Variants in FSTL5 observed in about 807,000 individuals in gnomAD.
The protein encoded by FSTL5 is follistatin-related protein 5.
In FSTL5, 62 loss-of-function variants were observed where a neutral mutation model predicts 89.1. The observed-to-expected ratio is 0.70, with a 90% confidence interval of 0.57 to 0.86. FSTL5 has a LOEUF of 0.86. Among genes scored for constraint, FSTL5 ranks in the 40% least tolerant of loss-of-function variants. The pLI is 0.00. For missense variants in FSTL5, 1,057 were observed against 1,001.6 expected (o/e 1.06, Z -0.75); for synonymous variants, 383 against 346.2 (o/e 1.11, Z -1.18).
At chr4:161,586,290 T>C (rs1439755656) in intron 8 of FSTL5, among the ~76,000 whole-genome samples, 2 of 152,176 alleles carry the variant, frequency 1.3e-5, no homozygotes, top group East Asian at 1.9e-4. Context: ...TGGGCTTTCA[T>C]GTTCCTCAAT....
chr4:161,693,636 CTTTTT>C (rs5863476), intron 6 of FSTL5, among the ~76,000 whole-genome samples: 1 of 105,288 alleles, frequency 9.5e-6, no homozygotes, highest in Non-Finnish European at 1.7e-5. Flanking sequence ...TCTTGTAAAT[CTTTTT>C]TTTTTTTTTT....
At chr4:161,919,374 C>T (rs1488683970) in intron 4 of FSTL5, among the ~76,000 whole-genome samples, 3 of 152,100 alleles carry the variant, frequency 2.0e-5, no homozygotes, top group African/African-American at 7.2e-5. Context: ...CATCTTGCAT[C>T]ATCTGAAAAG....
chr4:161,510,409 C>T lies in FSTL5; in HGVS notation c.1328G>A (p.Trp443Ter). The change falls in exon 11 of 16, where the codon TGG becomes TAG. Residue 443 changes from tryptophan to a stop codon, truncating the protein, a stop_gained. Transcript: ENST00000306100. LOFTEE classifies it high-confidence loss of function. ...SARKTLANIL[W>*]REEGLGIGNM... is the part of the protein sequence containing the mutation. ...ATTCAACTTAGTACCTTCTTCTCTC[C>T]ATAATATGTTAGCTACTGCAGCATG... 1 of 1,535,546 alleles carries T rather than the reference C, an allele frequency of 6.5e-7. No individual in the cohort carries two copies. The highest frequency in any genetic ancestry group is 8.8e-7 in the Non-Finnish European group (1 of 1,142,116).
chr4:161,436,902 A>G (rs1732577207), intron 15 of FSTL5, among the ~76,000 whole-genome samples: 2 of 152,212 alleles, frequency 1.3e-5, no homozygotes, highest in African/African-American at 4.8e-5. Context: ...AGTATATTCA[A>G]TAATTCCTTC....
intron 3 of FSTL5, among the ~76,000 whole-genome samples, chr4:162,000,330 C>T (rs1736423539): frequency 1.3e-5 from 2 of 152,098 alleles, no homozygotes; most frequent in South Asian, 4.1e-4. Context: ...GTGGCTCACG[C>T]CTGTAATCCC....
chr4:161,958,713 C>T (rs1735092269), intron 3 of FSTL5, among the ~76,000 whole-genome samples: 1 of 152,086 alleles, frequency 6.6e-6, no homozygotes. Context: ...TTTTCTCCCA[C>T]CACTGATAAT....
intron 11 of FSTL5, among the ~76,000 whole-genome samples, chr4:161,505,696 T>G (rs1730454746): frequency 6.6e-6 from 1 of 152,214 alleles, no homozygotes; most frequent in Admixed American, 6.5e-5. Context: ...CACACATATG[T>G]GTATCACACA....
chr4:161,510,490 A>G (rs1479305983), intron 10 of FSTL5, 66 bp from the exon 11 acceptor site: 1 of 872,982 alleles, frequency 1.1e-6, no homozygotes, highest in Non-Finnish European at 1.8e-6. Context: ...GCTATATGGT[A>G]ATATAAATAT....
intron 8 of FSTL5, among the ~76,000 whole-genome samples, chr4:161,550,364 A>G (rs1732156713): frequency 6.6e-6 from 1 of 151,872 alleles, no homozygotes; most frequent in African/African-American, 2.4e-5. Context: ...TTTTTTTGAA[A>G]TACAAAATAC....
At chr4:162,104,271 GT>G (rs1441660790) in intron 2 of FSTL5, among the ~76,000 whole-genome samples, 2 of 152,296 alleles carry the variant, frequency 1.3e-5, no homozygotes, top group Admixed American at 6.5e-5. Flanking sequence ...GGGTTCCACA[GT>G]TCTCTTCCGT....
chr4:161,860,033 A>T (rs1284452504), intron 4 of FSTL5, among the ~76,000 whole-genome samples: 6 of 152,228 alleles, frequency 3.9e-5, no homozygotes, highest in Non-Finnish European at 8.8e-5. Context: ...TCACCCCTGT[A>T]ATCACAGCAC....
At chr4:161,668,096 T>C (rs1736963876) in intron 6 of FSTL5, among the ~76,000 whole-genome samples, 1 of 151,566 alleles carries the variant, frequency 6.6e-6, no homozygotes, top group African/African-American at 2.4e-5. Context: ...CAAAAGTTGG[T>C]TATCTGAAAG....
At chr4:161,701,429 C>T (rs960782623) in intron 6 of FSTL5, among the ~76,000 whole-genome samples, 4 of 152,028 alleles carry the variant, frequency 2.6e-5, no homozygotes, top group Non-Finnish European at 5.9e-5. Context: ...TAGGTTAAAA[C>T]ATCTTCCCAA....
chr4:161,906,769 TTC>T (rs1242395882), intron 4 of FSTL5, among the ~76,000 whole-genome samples: 1 of 152,160 alleles, frequency 6.6e-6, no homozygotes, highest in Non-Finnish European at 1.5e-5. Flanking sequence ...AGATTTGTAT[TTC>T]TTTCTTCATT....
chr4:161,750,422 T>C (rs1740356494), intron 6 of FSTL5, among the ~76,000 whole-genome samples: 1 of 152,176 alleles, frequency 6.6e-6, no homozygotes, highest in Admixed American at 6.5e-5. Flanking sequence ...CACTTAATGC[T>C]CATATTGGTA....
chr4:162,110,215 G>A lies in FSTL5; in HGVS notation c.126+1056C>T, dbSNP rs546794477. On this transcript the variant is annotated intron_variant, in intron 2 of 15. Transcript: ENST00000306100. ...CAATTAATATATTTAATAAATGTGT[G>A]CATTTAGAAAATTCCTTCACCTTTT... is the stretch of plus-strand genomic sequence containing the variant. Among the ~76,000 whole-genome samples, 5 of 151,890 alleles carry A rather than the reference G, an allele frequency of 3.3e-5. No homozygotes were observed. In the South Asian group the frequency reaches 1.0e-3, roughly 31 times the overall value.
chr4:161,683,688 T>G (rs1027590095), intron 6 of FSTL5, among the ~76,000 whole-genome samples: 3 of 152,196 alleles, frequency 2.0e-5, no homozygotes, highest in African/African-American at 4.8e-5. Context: ...CATGCATGCA[T>G]ATAATATAAA....
intron 4 of FSTL5, among the ~76,000 whole-genome samples, chr4:161,837,730 G>A (rs11729775): frequency 0.13 from 19,158 of 151,976 alleles, 1,326 homozygotes; most frequent in South Asian, 0.17. Flanking sequence ...AAAACAAAAT[G>A]CTTTATAAAG....
At chr4:161,523,320 T>C (rs1350453667) in intron 10 of FSTL5, among the ~76,000 whole-genome samples, 13 of 152,148 alleles carry the variant, frequency 8.5e-5, no homozygotes, top group Non-Finnish European at 2.9e-5. Context: ...GTACCAGTCT[T>C]ATGTATATAT....
Sources: allele counts gnomAD v4.1 joint callset (sites outside exome capture counted in the v4.1 genomes callset), GRCh38; gene constraint gnomAD v4.1.1; transcripts MANE v1.5; gene names NCBI Gene and HGNC (gene_info 2026-07-23, HGNC 2026-07-21).